Variants in SMYD3 observed in about 807,000 individuals in gnomAD.
SMYD3 encodes the protein SET and MYND domain containing 3.
SMYD3 carries 36 observed loss-of-function variants against 57.7 expected under a neutral mutation model. That is an observed-to-expected ratio of 0.62 (90% confidence interval 0.48 to 0.82). The LOEUF is 0.82. Ranked by LOEUF, SMYD3 falls within the 40% of genes least tolerant of loss-of-function variation. The probability of loss-of-function intolerance (pLI) is 0.00; values close to 1 mark genes in which losing one functional copy is unlikely to be tolerated. For synonymous variants in SMYD3, 211 were observed against 195.0 expected (o/e 1.08, Z -0.68); for missense variants, 515 against 538.8 (o/e 0.96, Z 0.44).
chr1:245,965,267 A>T (rs1372482290), intron 5 of SMYD3, among the ~76,000 whole-genome samples: 2 of 152,190 alleles, frequency 1.3e-5, no homozygotes, highest in Admixed American at 1.3e-4. Flanking sequence ...GGGAGGGAAG[A>T]ATTGGGAATA....
At chr1:245,857,103 C>A (rs1052261882) in intron 10 of SMYD3, among the ~76,000 whole-genome samples, 1 of 152,190 alleles carries the variant, frequency 6.6e-6, no homozygotes. Context: ...TCAAGCCAAT[C>A]CCTCATACAT....
At chr1:246,408,013 T>G (rs1257538819) in intron 1 of SMYD3, among the ~76,000 whole-genome samples, 1 of 151,956 alleles carries the variant, frequency 6.6e-6, no homozygotes, top group Non-Finnish European at 1.5e-5. Context: ...GGTGTTGCTG[T>G]GTGTCCTCAC....
intron 11 of SMYD3, among the ~76,000 whole-genome samples, chr1:245,750,093 T>A (rs1472819184): frequency 6.6e-6 from 1 of 152,092 alleles, no homozygotes; most frequent in Non-Finnish European, 1.5e-5. Context: ...TATTCTCACA[T>A]TTTTTTTCAT....
chr1:245,867,630 G>A (rs968820335), intron 8 of SMYD3, among the ~76,000 whole-genome samples: 1 of 148,996 alleles, frequency 6.7e-6, no homozygotes, highest in Non-Finnish European at 1.5e-5. Context: ...CACACGGCAA[G>A]AGAAGATATG....
intron 5 of SMYD3, among the ~76,000 whole-genome samples, chr1:246,104,346 G>A (rs914715870): frequency 6.6e-6 from 1 of 152,172 alleles, no homozygotes; most frequent in Non-Finnish European, 1.5e-5. Context: ...AAACATCCCT[G>A]GTATACAAAG....
At chr1:246,224,995 T>C (rs1028772640) in intron 5 of SMYD3, among the ~76,000 whole-genome samples, 6 of 151,974 alleles carry the variant, frequency 3.9e-5, no homozygotes, top group Admixed American at 2.0e-4. Flanking sequence ...AACCAGTAGA[T>C]GGCTGGACAT....
At chr1:245,805,826 CAAAT>C (rs1572387320) in intron 10 of SMYD3, among the ~76,000 whole-genome samples, 1 of 152,312 alleles carries the variant, frequency 6.6e-6, no homozygotes, top group African/African-American at 2.4e-5. Context: ...TCTTACCTGA[CAAAT>C]AAGCCTTCAG....
chr1:245,861,407 A>G (rs1237854525), intron 9 of SMYD3, among the ~76,000 whole-genome samples: 2 of 152,210 alleles, frequency 1.3e-5, no homozygotes, highest in Non-Finnish European at 2.9e-5. Flanking sequence ...AGAGAAAGGG[A>G]AGCAAAGTAA....
intron 5 of SMYD3, among the ~76,000 whole-genome samples, chr1:246,036,808 C>A (rs1018721858): frequency 1.3e-5 from 2 of 151,310 alleles, no homozygotes; most frequent in African/African-American, 4.9e-5. Context: ...TCGTGATCCG[C>A]CCGCCTCGGC....
chr1:246,377,594 C>G (rs1392239621), intron 1 of SMYD3, among the ~76,000 whole-genome samples: 1 of 152,050 alleles, frequency 6.6e-6, no homozygotes, highest in Non-Finnish European at 1.5e-5. Context: ...GTCTTGAACT[C>G]CCAACCTCAG....
At chr1:245,972,924 G>T (rs1379807697) in intron 5 of SMYD3, among the ~76,000 whole-genome samples, 1 of 152,262 alleles carries the variant, frequency 6.6e-6, no homozygotes, top group East Asian at 1.9e-4. Flanking sequence ...CCTTTGTTAC[G>T]AGAACCTGGC....
Position 245,858,500 on chromosome 1 carries a change from A to G in SMYD3, c.1072T>C (p.Tyr358His). Residue 358 changes from tyrosine (Y) to histidine (H), a missense_variant, in exon 10 of 12, where the codon TAC (tyrosine) becomes CAC (histidine). Physicochemically the swap from Tyr to His is moderately conservative, Grantham distance 83. Coordinates refer to ENST00000490107, the MANE Select transcript of SMYD3 (RefSeq NM_001167740.2). Reference protein sequence around the residue: ...LFYGTRTMEPYRIFFPGSHPV... With the variant: ...LFYGTRTMEPHRIFFPGSHPV... Reference sequence around the variant, plus strand: ...AGCCCTCTCCCTGGGACTTGCCTGTATGGCTCCATGGTCCGAGTACCATAG... The same window carrying G: ...AGCCCTCTCCCTGGGACTTGCCTGTGTGGCTCCATGGTCCGAGTACCATAG... The G allele has an allele frequency of 1.2e-6, 2 of 1,613,520 alleles. No individual in the cohort carries two copies. The highest frequency in any genetic ancestry group is 8.5e-7 in the Non-Finnish European group (1 of 1,179,800).
At chr1:245,921,732 T>C (rs1383573365) in intron 7 of SMYD3, among the ~76,000 whole-genome samples, 1 of 152,008 alleles carries the variant, frequency 6.6e-6, no homozygotes, top group African/African-American at 2.4e-5. Flanking sequence ...GAAACAAATA[T>C]TTAGAGAATC....
At chr1:245,804,100 A>T (rs2048016875) in intron 10 of SMYD3, among the ~76,000 whole-genome samples, 1 of 151,786 alleles carries the variant, frequency 6.6e-6, no homozygotes, top group African/African-American at 2.4e-5. Context: ...TTTAGTAGAG[A>T]CAGGGTTTCA....
At chr1:246,123,048 CAG>C (rs2061447419) in intron 5 of SMYD3, among the ~76,000 whole-genome samples, 1 of 152,156 alleles carries the variant, frequency 6.6e-6, no homozygotes, top group Admixed American at 6.5e-5. Context: ...GAGGAGATAA[CAG>C]ACTGTCCTTT....
In SMYD3 at chr1:246,051,848, A is replaced by G. The variant is rs549178106; in HGVS notation, c.532-121911T>C. On this transcript the variant is annotated intron_variant, in intron 5 of 11. Transcript: ENST00000490107. Reference sequence around the variant, plus strand: ...CATGCTGAAACTGTATGCTTACAAAAAAAGTGAGCAAAATTGGAAGCAAGA... The same window carrying G: ...CATGCTGAAACTGTATGCTTACAAAGAAAGTGAGCAAAATTGGAAGCAAGA... Among the ~76,000 whole-genome samples, 27 of 152,338 alleles carry G rather than the reference A, an allele frequency of 1.8e-4. 2 individuals are homozygous for G. The South Asian group carries it at 5.6e-3, about 32-fold the overall frequency.
intron 5 of SMYD3, chr1:246,111,288 A>G (rs2061236519): frequency 1.3e-5 from 2 of 152,148 alleles, no homozygotes; most frequent in East Asian, 1.9e-4. Context: ...GCCAGTGCCA[A>G]CTTCAGTTCT....
chr1:246,446,595 T>C lies in SMYD3; in HGVS notation c.164+60459A>G, dbSNP rs141076134. 2.2e-3 allele frequency among the ~76,000 whole-genome samples: 329 copies of C among 152,306 alleles called. 1 individual carries two copies. Among genetic ancestry groups the C allele is most frequent in the Non-Finnish European group, 2.4e-3 (162 of 68,024 alleles). On this transcript the variant is annotated intron_variant, in intron 1 of 11. Coordinates refer to ENST00000490107, the MANE Select transcript of SMYD3 (RefSeq NM_001167740.2). ...AACAGGATCTCCATGACAGGTTTCA[T>C]TTCTAAAATTCAATTAAAACTTATC...
At chr1:246,167,651 T>C (rs547314917) in intron 5 of SMYD3, among the ~76,000 whole-genome samples, 3 of 151,840 alleles carry the variant, frequency 2.0e-5, no homozygotes, top group African/African-American at 7.3e-5. Flanking sequence ...GCTGGGATTA[T>C]AGGCACACCC....
Sources: allele counts gnomAD v4.1 joint callset (sites outside exome capture counted in the v4.1 genomes callset), GRCh38; gene constraint gnomAD v4.1.1; transcripts MANE v1.5; gene names NCBI Gene and HGNC (gene_info 2026-07-23, HGNC 2026-07-21).